The following DLG2 variants were observed in gnomAD, a reference collection of about 807,000 sequenced individuals.
DLG2 encodes the protein disks large homolog 2.
A neutral mutation model predicts 132.5 loss-of-function variants in DLG2; 45 were observed. The observed-to-expected ratio is 0.34, with a 90% confidence interval of 0.27 to 0.44. DLG2 has a LOEUF of 0.44. DLG2 is among the 20% of genes least tolerant of loss of function. The pLI is 1.00. For synonymous variants in DLG2, 424 were observed against 419.6 expected (o/e 1.01, Z -0.13); for missense variants, 1,045 against 1,196.9 (o/e 0.87, Z 1.87).
chr11:84,029,883 T>A (rs1033734717), intron 11 of DLG2, among the ~76,000 whole-genome samples: 13 of 152,180 alleles, frequency 8.5e-5, no homozygotes, highest in Admixed American at 6.6e-4. Context: ...TGACTCAGTT[T>A]AATGATCACC....
chr11:83,778,612 T>C (rs2094684030), intron 18 of DLG2, among the ~76,000 whole-genome samples: 1 of 152,120 alleles, frequency 6.6e-6, no homozygotes, highest in East Asian at 1.9e-4. Context: ...CCCTTTGATA[T>C]GAGTTAAAGA....
intron 19 of DLG2, among the ~76,000 whole-genome samples, chr11:83,580,397 T>TAGGC (rs2096950910): frequency 1.3e-5 from 2 of 152,058 alleles, no homozygotes; most frequent in Non-Finnish European, 2.9e-5. Flanking sequence ...TACTCTCTGC[T>TAGGC]AGGCACTAGG....
chr11:84,392,734 C>T (rs1263101763), intron 7 of DLG2, among the ~76,000 whole-genome samples: 1 of 152,074 alleles, frequency 6.6e-6, no homozygotes, highest in Non-Finnish European at 1.5e-5. Context: ...TTAGGTAAAA[C>T]ATCTTGTCCA....
intron 3 of DLG2, among the ~76,000 whole-genome samples, chr11:85,567,489 A>G (rs957459093): frequency 2.6e-5 from 4 of 152,102 alleles, no homozygotes; most frequent in African/African-American, 9.7e-5. Context: ...TTGCTTTTGT[A>G]TTCTACAATC....
intron 6 of DLG2, among the ~76,000 whole-genome samples, chr11:84,585,232 T>TAA (rs1205945214): frequency 6.6e-6 from 1 of 152,164 alleles, no homozygotes; most frequent in Non-Finnish European, 1.5e-5. Context: ...ATTAACTCAT[T>TAA]AAGTCCTCAT....
At chr11:85,447,056 A>T (rs551449291) in intron 3 of DLG2, among the ~76,000 whole-genome samples, 1 of 152,212 alleles carries the variant, frequency 6.6e-6, no homozygotes, top group South Asian at 2.1e-4. Flanking sequence ...TCAAAAAATC[A>T]TAAATAGAAC....
At chr11:84,225,643 A>G (rs551906829) in intron 8 of DLG2, among the ~76,000 whole-genome samples, 2 of 152,210 alleles carry the variant, frequency 1.3e-5, no homozygotes, top group Admixed American at 6.5e-5. Flanking sequence ...ATTCCTCCCT[A>G]TCGTGTCCTT....
intron 3 of DLG2, among the ~76,000 whole-genome samples, chr11:85,314,874 C>A (rs1409393732): frequency 5.3e-5 from 8 of 151,996 alleles, no homozygotes; most frequent in African/African-American, 1.9e-4. Context: ...TTCCATTTCA[C>A]CTTCATACAG....
intron 4 of DLG2, among the ~76,000 whole-genome samples, chr11:85,237,878 T>C (rs972921328): frequency 3.9e-5 from 6 of 152,078 alleles, no homozygotes; most frequent in African/African-American, 7.2e-5. Context: ...GCAGTTGGTG[T>C]TCATCTTTTC....
Position 85,626,674 on chromosome 11 carries a change from T to C in DLG2, c.-180A>G, listed in dbSNP as rs1484882680. On this transcript the variant is annotated 5_prime_UTR_variant, in exon 2 of 28. Transcript: ENST00000376104. Reference sequence around the variant, plus strand: ...TATCTCTTTTCAGGTCTCAGTTTGATCCAGCTGGATTGAGGCCAAGAGCCA... The same window carrying C: ...TATCTCTTTTCAGGTCTCAGTTTGACCCAGCTGGATTGAGGCCAAGAGCCA... 2 of 152,178 alleles carry C rather than the reference T, an allele frequency of 1.3e-5. No homozygotes were observed. The highest frequency in any genetic ancestry group is 2.9e-5 in the Non-Finnish European group (2 of 68,026). The allele number at this position is 152,178 out of a possible 1,614,324, so 9.4% of individuals were successfully genotyped here. A position where few individuals can be genotyped will look rare whatever the true frequency, so the allele number is the denominator to read the frequency against.
At chr11:84,185,277 G>T (rs1181742631) in intron 8 of DLG2, among the ~76,000 whole-genome samples, 5 of 152,058 alleles carry the variant, frequency 3.3e-5, no homozygotes, top group African/African-American at 4.8e-5. Context: ...TCCTTGAAGA[G>T]GTCCTTCATG....
intron 11 of DLG2, among the ~76,000 whole-genome samples, chr11:84,023,768 A>G (rs1273193282): frequency 6.6e-6 from 1 of 152,146 alleles, no homozygotes; most frequent in Non-Finnish European, 1.5e-5. Flanking sequence ...TCTTCTATTT[A>G]TTATTTACCA....
intron 19 of DLG2, among the ~76,000 whole-genome samples, chr11:83,601,727 A>G (rs1330663089): frequency 6.6e-6 from 1 of 151,214 alleles, no homozygotes; most frequent in African/African-American, 2.4e-5. Context: ...ATAGGGTTTC[A>G]GCCTGGGCTG....
intron 6 of DLG2, among the ~76,000 whole-genome samples, chr11:84,578,632 C>A (rs1182307290): frequency 2.0e-5 from 3 of 152,150 alleles, no homozygotes; most frequent in African/African-American, 7.2e-5. Flanking sequence ...TGTCTAGGAA[C>A]TAACTAGCTT....
At chr11:83,660,675 C>T (rs1325632760) in intron 18 of DLG2, among the ~76,000 whole-genome samples, 2 of 152,052 alleles carry the variant, frequency 1.3e-5, no homozygotes, top group East Asian at 3.9e-4. Context: ...AAGTCACACA[C>T]TAACATGTAA....
chr11:84,251,641 C>T (rs11233962), intron 7 of DLG2, among the ~76,000 whole-genome samples: 128,878 of 140,004 alleles, frequency 0.92, 59,355 homozygotes, highest in East Asian at 1. Context: ...TCTTTTCTTT[C>T]TTTTTTTTTT....
At position 84,192,459 on chromosome 11, in the gene DLG2, G is replaced by A. The variant is rs572254056; in HGVS notation, c.574-28948C>T. Among the ~76,000 whole-genome samples, 470 of 152,294 alleles carry A rather than the reference G, an allele frequency of 3.1e-3. 4 individuals carry two copies. The highest frequency in any genetic ancestry group is 5.5e-3 in the Non-Finnish European group (377 of 68,028). ...AGATTGGCAAAGAAAGGCTGGGCAC[G>A]GTGGCTCACGCCTCTAATCCCAACA... On this transcript the variant is annotated intron_variant, in intron 8 of 27. Coordinates refer to ENST00000376104, the MANE Select transcript of DLG2 (RefSeq NM_001142699.3).
chr11:84,315,902 C>G (rs1053851623), intron 7 of DLG2, among the ~76,000 whole-genome samples: 4 of 152,090 alleles, frequency 2.6e-5, no homozygotes, highest in African/African-American at 9.7e-5. Flanking sequence ...CTCCACTATG[C>G]TAAAATCATA....
At chr11:83,653,873 C>T (rs1490436758) in intron 18 of DLG2, among the ~76,000 whole-genome samples, 4 of 152,044 alleles carry the variant, frequency 2.6e-5, no homozygotes, top group African/African-American at 4.8e-5. Context: ...CAGGCATGCA[C>T]CACCACACCT....
Sources: gnomAD v4.1 joint callset for allele counts (sites outside exome capture counted in the v4.1 genomes callset) on GRCh38, gnomAD v4.1.1 for gene constraint, MANE v1.5 for transcripts, NCBI Gene and HGNC (gene_info 2026-07-23, HGNC 2026-07-21) for gene names.